The following SGSM1 variants were observed in gnomAD, a reference collection of about 807,000 sequenced individuals.
SGSM1 encodes the protein small G protein signaling modulator 1.
A neutral mutation model predicts 133.8 loss-of-function variants in SGSM1; 73 were observed. The observed-to-expected ratio is 0.55, with a 90% CI of 0.45 to 0.66. The LOEUF (loss-of-function observed/expected upper bound fraction) is 0.66. Ranked by LOEUF, SGSM1 falls within the 30% of genes least tolerant of loss-of-function variation. The pLI is 0.00. For missense variants in SGSM1, 1,213 were observed against 1,448.1 expected, an observed-to-expected ratio of 0.84 and a Z score of 2.64; for synonymous variants, 563 against 573.0, an observed-to-expected ratio of 0.98 and a Z score of 0.25.
At chr22:24,817,035 T>G (rs2147787165) in intron 2 of SGSM1, among the ~76,000 whole-genome samples, 1 of 152,138 alleles carries the variant, frequency 6.6e-6, no homozygotes. Flanking sequence ...GTTAGCCCTG[T>G]GAGAGTAAGG....
At chr22:24,904,488 G>C (rs1933296817) in intron 20 of SGSM1, among the ~76,000 whole-genome samples, 2 of 150,640 alleles carry the variant, frequency 1.3e-5, no homozygotes, top group African/African-American at 4.9e-5. Context: ...GCTGAGGCAG[G>C]AGAATGTCGT....
Position 24,851,100 on chromosome 22 carries a change from C to CA in SGSM1, c.455+687dup, listed in dbSNP as rs68153757. Among the ~76,000 whole-genome samples, 335 of 95,386 alleles carry CA rather than the reference C, an allele frequency of 3.5e-3. 1 individual carries two copies. The highest frequency in any genetic ancestry group is 8.1e-3 in the East Asian group (27 of 3,320). 62.6% of individuals were successfully genotyped at this position (95,386 alleles called of 152,430 possible). On this transcript the variant is annotated intron_variant, in intron 5 of 24. Coordinates refer to ENST00000400358, the MANE Select transcript of SGSM1 (RefSeq NM_001098497.3). Reference sequence around the variant, plus strand: ...TGGGCAACAGAGCAAGACTCCATCTCAAAAAAAAAAAAAAAAAAAGAAAAA... The same window carrying CA: ...TGGGCAACAGAGCAAGACTCCATCTCAAAAAAAAAAAAAAAAAAAAGAAAAA...
intron 3 of SGSM1, among the ~76,000 whole-genome samples, chr22:24,847,356 T>C (rs1016522872): frequency 4.6e-5 from 7 of 152,172 alleles, no homozygotes; most frequent in African/African-American, 1.7e-4. Flanking sequence ...AGCTCTTACT[T>C]CATGAGTTTT....
rs1932976936 is a variant in SGSM1 at position 24,898,199 on chromosome 22, A to T, written c.2250A>T (p.Arg750=). 1 of 1,613,552 alleles carries T rather than the reference A, an allele frequency of 6.2e-7. No homozygotes were observed. The highest frequency in any genetic ancestry group is 1.3e-5 in the African/African-American group (1 of 74,888). ...DAQRNTPTVL[R]PRDGSVDDRQ... Reference sequence around the variant, plus strand: ...AGCGGAACACCCCCACGGTGCTGCGACCTAGGGATGGCAGCGTGGATGACA... The same window carrying T: ...AGCGGAACACCCCCACGGTGCTGCGTCCTAGGGATGGCAGCGTGGATGACA... The change falls in exon 19 of 25, where the codon CGA becomes CGT. Residue 750 remains arginine, a synonymous_variant. Coordinates refer to ENST00000400358, the MANE Select transcript of SGSM1 (RefSeq NM_001098497.3).
rs1305235911 is a variant in SGSM1, at chr22:24,895,092, C to T, written c.1954-131C>T. On this transcript the variant is annotated intron_variant, in intron 17 of 24. Transcript: ENST00000400358. ...ATTTTACAGCTAGGAAACTGATGCTCTGAGAGAGGACTTGTGCAAGTTAGG... is the reference window on the plus strand; with the variant it reads ...ATTTTACAGCTAGGAAACTGATGCTTTGAGAGAGGACTTGTGCAAGTTAGG... 1.9e-5 allele frequency: 16 copies of T among 862,586 alleles called. No individual in the cohort carries two copies. The East Asian group carries it at 4.0e-4, about 22-fold the overall frequency. 53.4% of individuals were successfully genotyped at this position (862,586 alleles called of 1,614,324 possible).
In SGSM1 at chr22:24,811,951, T is replaced by G. The variant is rs1927766801; in HGVS notation, c.63+5467T>G. Among the ~76,000 whole-genome samples, 3 of 151,480 alleles carry G rather than the reference T, an allele frequency of 2.0e-5. No individual in the cohort carries two copies. The South Asian group carries it at 6.3e-4, about 32-fold the overall frequency. On this transcript the variant is annotated intron_variant, in intron 2 of 24. Coordinates refer to ENST00000400358, the MANE Select transcript of SGSM1 (RefSeq NM_001098497.3). The stretch of plus-strand genomic sequence containing the variant: ...TGGGAGGCCAAGCTGAGTGGATCAC[T>G]TGAGGTCAGGAGTTGAAGACCAGCC...
chr22:24,852,518 A>G (rs1930538058), intron 5 of SGSM1, among the ~76,000 whole-genome samples: 1 of 152,146 alleles, frequency 6.6e-6, no homozygotes, highest in Admixed American at 6.6e-5. Context: ...ATCTTGACTC[A>G]CTGCAACCTC....
Position 24,925,468 on chromosome 22 carries a change from C to T in SGSM1, c.*1194C>T, listed in dbSNP as rs1170020707. On this transcript the variant is annotated 3_prime_UTR_variant, in exon 25 of 25. Transcript: ENST00000400358. ...CTCCTCTGTCTGATGCCAGAAGATACTTGTTTTCTTCTTTTCAAGAAAAGT... is the reference window on the plus strand; with the variant it reads ...CTCCTCTGTCTGATGCCAGAAGATATTTGTTTTCTTCTTTTCAAGAAAAGT... The T allele has an allele frequency of 6.6e-6, 1 of 152,118 alleles. No individual in the cohort carries two copies. The highest frequency in any genetic ancestry group is 1.5e-5 in the Non-Finnish European group (1 of 68,036). 9.4% of individuals were successfully genotyped at this position (152,118 alleles called of 1,614,324 possible). A position where few individuals can be genotyped will look rare whatever the true frequency, so the allele number is the denominator to read the frequency against.
intron 2 of SGSM1, among the ~76,000 whole-genome samples, chr22:24,838,784 A>G (rs1394225523): frequency 6.6e-6 from 1 of 151,902 alleles, no homozygotes. Context: ...TTTTGTTATA[A>G]GTTTTTAAAT....
chr22:24,806,604 G>C, intron 2 of SGSM1, 120 bp downstream of exon 2: 1 of 1,230,852 alleles, frequency 8.1e-7, no homozygotes, highest in Non-Finnish European at 1.1e-6. Flanking sequence ...CAGGTGTGGG[G>C]CTCACCTGGG....
rs1361949539 is a variant in SGSM1, at chr22:24,844,928, G to A, written c.95G>A (p.Arg32His). 5.0e-6 allele frequency: 8 copies of A among 1,613,768 alleles called. No individual in the cohort carries two copies. The highest frequency in any genetic ancestry group is 4.4e-5 in the South Asian group (4 of 91,042). Residue 32 changes from arginine (R) to histidine (H), a missense_variant, in exon 3 of 25, where the codon CGC becomes CAC. Coordinates refer to ENST00000400358, the MANE Select transcript of SGSM1 (RefSeq NM_001098497.3). ...CAGATCATGGAGGAGGCTGTGACACGCAAGTTTGTCCACGAAGACAGCAGC... is the reference window on the plus strand; with the variant it reads ...CAGATCATGGAGGAGGCTGTGACACACAAGTTTGTCCACGAAGACAGCAGC... ...VKQIMEEAVT[R>H]KFVHEDSSHI...
intron 21 of SGSM1, among the ~76,000 whole-genome samples, chr22:24,910,043 A>G (rs1452171623): frequency 2.0e-5 from 3 of 152,218 alleles, no homozygotes; most frequent in Non-Finnish European, 4.4e-5. Context: ...TGCAAACTAC[A>G]ATGTGGGTGA....
chr22:24,839,926 ATC>A (rs1235675210), intron 2 of SGSM1, among the ~76,000 whole-genome samples: 4 of 105,944 alleles, frequency 3.8e-5, no homozygotes, highest in African/African-American at 1.4e-4. Context: ...TGGACAAACC[ATC>A]TCTCTTTTTT....
At chr22:24,824,793 G>A (rs1018263300) in intron 2 of SGSM1, among the ~76,000 whole-genome samples, 17 of 152,124 alleles carry the variant, frequency 1.1e-4, no homozygotes. Flanking sequence ...TACGCTGTCA[G>A]GTCTGGTTTC....
chr22:24,848,815 A>G (rs1930293616), intron 4 of SGSM1, among the ~76,000 whole-genome samples: 3 of 152,230 alleles, frequency 2.0e-5, no homozygotes. Flanking sequence ...TGGTCACTCC[A>G]CTTCACTGGA....
At chr22:24,878,277 G>C (rs1269038535) in intron 13 of SGSM1, among the ~76,000 whole-genome samples, 2 of 152,210 alleles carry the variant, frequency 1.3e-5, no homozygotes, top group Non-Finnish European at 2.9e-5. Flanking sequence ...CCGTGGACCA[G>C]TGAGAAAGGC....
intron 21 of SGSM1, among the ~76,000 whole-genome samples, chr22:24,910,025 T>A (rs1291469882): frequency 6.6e-6 from 1 of 152,224 alleles, no homozygotes; most frequent in Admixed American, 6.5e-5. Flanking sequence ...AAAAGGATGA[T>A]GTTCTGATGC....
At chr22:24,905,577 G>T (rs978500292) in intron 21 of SGSM1, among the ~76,000 whole-genome samples, 2 of 151,998 alleles carry the variant, frequency 1.3e-5, no homozygotes, top group African/African-American at 4.8e-5. Flanking sequence ...CACAAGGTCA[G>T]GAGATCGAGA....
chr22:24,867,472 C>T (rs1931524625), intron 10 of SGSM1, among the ~76,000 whole-genome samples: 1 of 152,232 alleles, frequency 6.6e-6, no homozygotes, highest in South Asian at 2.1e-4. Flanking sequence ...ATGTGCTAAG[C>T]ACAGTTCTGA....
Sources: gnomAD v4.1 joint callset for allele counts (sites outside exome capture counted in the v4.1 genomes callset) on GRCh38, gnomAD v4.1.1 for gene constraint, MANE v1.5 for transcripts, NCBI Gene and HGNC (gene_info 2026-07-23, HGNC 2026-07-21) for gene names.